Variants in SUCLG2 observed in about 807,000 individuals in gnomAD.
SUCLG2 encodes succinate-CoA ligase GDP-forming subunit beta, also known as succinate--CoA ligase [GDP-forming] subunit beta, mitochondrial.
Under a neutral mutation model 47.9 loss-of-function variants are expected in SUCLG2, and 42 were observed. That is an observed-to-expected ratio of 0.88 (90% confidence interval 0.69 to 1.14). The LOEUF is 1.14. Ranked by LOEUF, SUCLG2 falls within the 50% of genes most tolerant of loss-of-function variation. The probability of loss-of-function intolerance (pLI) is 0.00; values close to 1 mark genes in which losing one functional copy is unlikely to be tolerated. For missense variants in SUCLG2, 571 were observed against 525.9 expected (o/e 1.09, Z -0.84); for synonymous variants, 195 against 197.3 (o/e 0.99, Z 0.10).
chr3:67,388,643 G>A (rs1702309856), intron 10 of SUCLG2, among the ~76,000 whole-genome samples: 1 of 152,174 alleles, frequency 6.6e-6, no homozygotes, highest in African/African-American at 2.4e-5. Flanking sequence ...GGAACTAAAT[G>A]CAAATCAAGC....
intron 1 of SUCLG2, among the ~76,000 whole-genome samples, chr3:67,620,798 G>A (rs934619702): frequency 3.3e-5 from 5 of 152,036 alleles, no homozygotes; most frequent in South Asian, 2.1e-4. Context: ...GGTAGGAAAG[G>A]GGTTGGCACG....
At chr3:67,610,074 A>G (rs1700500630) in intron 1 of SUCLG2, among the ~76,000 whole-genome samples, 1 of 152,210 alleles carries the variant, frequency 6.6e-6, no homozygotes, top group South Asian at 2.1e-4. Flanking sequence ...CCAAATAAAT[A>G]AAGAGCATAG....
chr3:67,422,394 G>C (rs1211367667), intron 9 of SUCLG2, among the ~76,000 whole-genome samples: 2 of 137,814 alleles, frequency 1.5e-5, no homozygotes, highest in Non-Finnish European at 3.0e-5. Context: ...AGAATCGCTT[G>C]AACCCGGGAA....
In SUCLG2 at chr3:67,609,543, C is replaced by T. The variant is rs773370344; in HGVS notation, c.138G>A (p.Lys46=). 1 of 1,613,922 alleles carries T rather than the reference C, an allele frequency of 6.2e-7. No homozygotes were observed. Among genetic ancestry groups the T allele is most frequent in the South Asian group, 1.1e-5 (1 of 91,070 alleles). The part of the protein sequence containing the change: ...RWLNLQEYQS[K]KLMSDNGVRV... The stretch of plus-strand genomic sequence containing the variant: ...TCACTCCGTTGTCAGACATCAGTTT[C>T]TTGCTCTGGTATTCCTGCAGGTTCA... The change falls in exon 2 of 11, where the codon AAG becomes AAA. Residue 46 remains lysine (K), a synonymous_variant. Coordinates refer to ENST00000307227, the MANE Select transcript of SUCLG2 (RefSeq NM_003848.4).
intron 1 of SUCLG2, among the ~76,000 whole-genome samples, chr3:67,647,673 G>T (rs936470376): frequency 6.6e-6 from 1 of 152,188 alleles, no homozygotes; most frequent in Non-Finnish European, 1.5e-5. Flanking sequence ...AAATGTTTGT[G>T]AAATGAGTAA....
intron 2 of SUCLG2, among the ~76,000 whole-genome samples, chr3:67,566,184 G>A (rs2107226542): frequency 6.6e-6 from 1 of 152,278 alleles, no homozygotes; most frequent in South Asian, 2.1e-4. Flanking sequence ...TCCGAATACG[G>A]TGAACATTCT....
chr3:67,478,541 T>C (rs1232890201), intron 9 of SUCLG2, among the ~76,000 whole-genome samples: 1 of 152,212 alleles, frequency 6.6e-6, no homozygotes, highest in Non-Finnish European at 1.5e-5. Flanking sequence ...AAGAATACCC[T>C]TCAACAATTC....
intron 1 of SUCLG2, among the ~76,000 whole-genome samples, chr3:67,644,664 A>AT (rs1701161201): frequency 6.6e-6 from 1 of 151,962 alleles, no homozygotes; most frequent in Admixed American, 6.6e-5. Context: ...ATTTTATGTC[A>AT]TGTATATTTT....
At chr3:67,403,874 C>A (rs936411215) in intron 9 of SUCLG2, among the ~76,000 whole-genome samples, 2 of 151,982 alleles carry the variant, frequency 1.3e-5, no homozygotes, top group Admixed American at 1.3e-4. Flanking sequence ...CCTCTTATTT[C>A]TTCCTTTTTA....
chr3:67,379,277 A>G lies in SUCLG2; in HGVS notation c.1184-3418T>C, dbSNP rs992269145. 5.9e-5 allele frequency among the ~76,000 whole-genome samples: 9 copies of G among 152,262 alleles called. 1 individual carries two copies. The highest frequency in any genetic ancestry group is 2.6e-4 in the Admixed American group (4 of 15,300). ...TTTCTATCTCCTCCTGCAGAGACGT[A>G]GACTAGGCCCTTCTTCCTCTTCCTT... On this transcript the variant is annotated intron_variant, in intron 10 of 10. Coordinates refer to ENST00000307227, the MANE Select transcript of SUCLG2 (RefSeq NM_003848.4).
chr3:67,454,411 A>C (rs1392978659), intron 9 of SUCLG2, among the ~76,000 whole-genome samples: 1 of 3,592 alleles, frequency 2.8e-4, no homozygotes, highest in African/African-American at 2.6e-3. Context: ...TATATAAAAA[A>C]AAAATAGAAG....
At chr3:67,366,553 A>G (rs529521126) in intron 10 of SUCLG2, among the ~76,000 whole-genome samples, 17 of 152,138 alleles carry the variant, frequency 1.1e-4, no homozygotes, top group Non-Finnish European at 2.2e-4. Context: ...TTTGAATTCA[A>G]CTTAATCAGC....
downstream of SUCLG2, among the ~76,000 whole-genome samples, chr3:67,369,938 A>G (rs1701929466): frequency 6.6e-6 from 1 of 152,256 alleles, no homozygotes. Context: ...CATAGTAAAT[A>G]CTAAATTAAT....
At chr3:67,432,487 C>T (rs1028882195) in intron 9 of SUCLG2, among the ~76,000 whole-genome samples, 5 of 152,202 alleles carry the variant, frequency 3.3e-5, no homozygotes, top group African/African-American at 1.2e-4. Context: ...TATAAACGTT[C>T]CAGCTATACA....
At chr3:67,496,576 T>C (rs1575735284) in intron 8 of SUCLG2, among the ~76,000 whole-genome samples, 1 of 152,168 alleles carries the variant, frequency 6.6e-6, no homozygotes, top group East Asian at 1.9e-4. Context: ...ACAATATTCT[T>C]ATCCCCTTGT....
intron 9 of SUCLG2, among the ~76,000 whole-genome samples, chr3:67,425,842 A>T (rs1399676206): frequency 1.3e-5 from 2 of 152,228 alleles, no homozygotes; most frequent in African/African-American, 2.4e-5. Flanking sequence ...GGACACCATG[A>T]TACTGCATAA....
chr3:67,366,070 CAT>C (rs1379193726), intron 10 of SUCLG2, among the ~76,000 whole-genome samples: 1 of 152,154 alleles, frequency 6.6e-6, no homozygotes, highest in Non-Finnish European at 1.5e-5. Flanking sequence ...CCCCTAAAGA[CAT>C]AAAATCCCTC....
intron 9 of SUCLG2, among the ~76,000 whole-genome samples, chr3:67,464,354 G>C (rs1473970555): frequency 1.3e-5 from 2 of 152,204 alleles, no homozygotes; most frequent in Admixed American, 6.5e-5. Flanking sequence ...ACAAGCGTGT[G>C]TATGCATCCT....
At chr3:67,516,920 A>G (rs971433191) in intron 6 of SUCLG2, among the ~76,000 whole-genome samples, 1 of 152,198 alleles carries the variant, frequency 6.6e-6, no homozygotes, top group African/African-American at 2.4e-5. Context: ...TAAACATCAA[A>G]TGAATGGCTA....
Sources: gnomAD v4.1 joint callset for allele counts (sites outside exome capture counted in the v4.1 genomes callset) on GRCh38, gnomAD v4.1.1 for gene constraint, MANE v1.5 for transcripts, NCBI Gene and HGNC (gene_info 2026-07-23, HGNC 2026-07-21) for gene names.